Variants in SBNO1 observed in about 807,000 individuals in gnomAD.
The protein encoded by SBNO1 is protein strawberry notch homolog 1.
A neutral mutation model predicts 173.6 loss-of-function variants in SBNO1; 23 were observed. The observed-to-expected ratio is 0.13, with a 90% confidence interval of 0.10 to 0.19. SBNO1 has a LOEUF of 0.19. Among genes scored for constraint, SBNO1 ranks in the 10% least tolerant of loss-of-function variants. SBNO1 has a pLI of 1.00. For missense variants in SBNO1, 1,238 were observed against 1,671.2 expected, an observed-to-expected ratio of 0.74 and a Z score of 4.52; for synonymous variants, 632 against 571.5, an observed-to-expected ratio of 1.11 and a Z score of -1.51.
intron 1 of SBNO1, chr12:123,364,332 T>C: frequency 1.0e-6 from 1 of 984,482 alleles, no homozygotes; most frequent in Non-Finnish European, 1.2e-6. Context: ...CCCCGGGTTG[T>C]GAGGCGGAAG....
At chr12:123,316,096 C>T (rs1057432287) in intron 21 of SBNO1, among the ~76,000 whole-genome samples, 7 of 152,126 alleles carry the variant, frequency 4.6e-5, no homozygotes, top group African/African-American at 1.7e-4. Flanking sequence ...ATTCCCACCA[C>T]ATATATATTT....
chr12:123,363,093 T>A (rs991372022), intron 1 of SBNO1, among the ~76,000 whole-genome samples: 1 of 151,864 alleles, frequency 6.6e-6, no homozygotes, highest in Non-Finnish European at 1.5e-5. Context: ...CTCAAAAATT[T>A]AAAAATAGCA....
At chr12:123,349,391 T>G (rs1464411449) in intron 2 of SBNO1, among the ~76,000 whole-genome samples, 1 of 151,986 alleles carries the variant, frequency 6.6e-6, no homozygotes, top group African/African-American at 2.4e-5. Context: ...CATGAGACAC[T>G]ATGCCCAGCC....
intron 4 of SBNO1, among the ~76,000 whole-genome samples, chr12:123,343,451 TATTTTCA>T (rs1872773149): frequency 6.6e-6 from 1 of 151,864 alleles, no homozygotes; most frequent in Non-Finnish European, 1.5e-5. Context: ...TGCAGTTTCA[TATTTTCA>T]ATGTTTTTCC....
chr12:123,350,546 TC>T, intron 1 of SBNO1, 105 bp from the exon 2 acceptor site: 7 of 912,900 alleles, frequency 7.7e-6, no homozygotes, highest in Non-Finnish European at 1.2e-5. Flanking sequence ...ACCCATTCAT[TC>T]AGTATTAATG....
chr12:123,344,121 A>T (rs754829618), intron 4 of SBNO1, among the ~76,000 whole-genome samples: 2 of 152,182 alleles, frequency 1.3e-5, no homozygotes, highest in Admixed American at 6.6e-5. Context: ...AGCCACTCAT[A>T]TAAGAAGCAG....
chr12:123,337,059 T>C (rs1344117404), intron 5 of SBNO1, among the ~76,000 whole-genome samples: 1 of 152,208 alleles, frequency 6.6e-6, no homozygotes, highest in East Asian at 1.9e-4. Flanking sequence ...GAGGCCCTTA[T>C]GAAGAACAGA....
intron 30 of SBNO1, among the ~76,000 whole-genome samples, chr12:123,299,910 G>A (rs140457679): frequency 1.6e-3 from 239 of 152,118 alleles, no homozygotes; most frequent in African/African-American, 5.3e-3. Context: ...GAAGGAGGGG[G>A]GAAGATCCTG....
At position 123,294,051 on chromosome 12, in the gene SBNO1, G is replaced by A. The variant is rs969699673; in HGVS notation, c.*1857C>T. On this transcript the variant is annotated 3_prime_UTR_variant, in exon 32 of 32. Transcript: ENST00000602398. ...CAGCCGGGTCTAGCGGCCCTAACAAGGGAAACTGGCTGATACAAAATGGAT... is the reference window on the plus strand; with the variant it reads ...CAGCCGGGTCTAGCGGCCCTAACAAAGGAAACTGGCTGATACAAAATGGAT... The A allele has an allele frequency of 7.9e-5, 12 of 152,410 alleles. No individual in the cohort carries two copies. Among genetic ancestry groups the A allele is most frequent in the Admixed American group, 2.6e-4 (4 of 15,306 alleles). The allele number at this position is 152,410 out of a possible 1,614,324, so 9.4% of individuals were successfully genotyped here.
At chr12:123,356,099 C>A (rs1409914220) in intron 1 of SBNO1, among the ~76,000 whole-genome samples, 1 of 152,158 alleles carries the variant, frequency 6.6e-6, no homozygotes, top group Non-Finnish European at 1.5e-5. Context: ...ACCACAGTGG[C>A]TGAGGAGATC....
rs752931905 is a variant in SBNO1, at chr12:123,320,515, G to A, written c.2584C>T (p.Leu862=). ...GGGAGGTCTTCAGCTAATTTTTCTA[G>A]CTTATCAAGCAGGTCTTTCTTCATC... is the stretch of plus-strand genomic sequence containing the variant. ...QQMKKDLLDK[L]EKLAEDLPPN... Residue 862 remains leucine, a synonymous_variant, in exon 19 of 32, where the codon CTA becomes TTA. Coordinates refer to ENST00000602398, the MANE Select transcript of SBNO1 (RefSeq NM_001167856.3). 1.2e-6 allele frequency: 2 copies of A among 1,614,016 alleles called. No homozygotes were observed. Among genetic ancestry groups the A allele is most frequent in the East Asian group, 2.2e-5 (1 of 44,862 alleles).
chr12:123,341,296 G>GA (rs1872536929), intron 4 of SBNO1, among the ~76,000 whole-genome samples: 1 of 151,774 alleles, frequency 6.6e-6, no homozygotes, highest in Non-Finnish European at 1.5e-5. Context: ...TAAAAATACA[G>GA]AAACAAGCTG....
rs150327678 is a variant in SBNO1, at chr12:123,317,503, G to A, written c.2800-147C>T. 185 of 716,680 alleles carry A rather than the reference G, an allele frequency of 2.6e-4. 1 individual carries two copies. The East Asian group carries it at 4.2e-3, about 16-fold the overall frequency. The allele number at this position is 716,680 out of a possible 1,614,324, so 44.4% of individuals were successfully genotyped here. ...AGTTTTATTTCCCAGTCTCCCTTAC[G>A]GCTAAGTGTGAACATTCTCCAGCCA... is the stretch of plus-strand genomic sequence containing the variant. On this transcript the variant is annotated intron_variant, in intron 20 of 31. Coordinates refer to ENST00000602398, the MANE Select transcript of SBNO1 (RefSeq NM_001167856.3).
At chr12:123,340,445 G>A (rs1378685996) in intron 5 of SBNO1, among the ~76,000 whole-genome samples, 1 of 151,798 alleles carries the variant, frequency 6.6e-6, no homozygotes, top group Non-Finnish European at 1.5e-5. Context: ...GCCAAGCATG[G>A]TGGCACATGC....
intron 1 of SBNO1, among the ~76,000 whole-genome samples, chr12:123,352,238 G>C (rs1873958932): frequency 6.6e-6 from 1 of 152,146 alleles, no homozygotes. Flanking sequence ...TTTTCAGCTA[G>C]TCCATTTGTT....
chr12:123,347,962 CG>C, intron 3 of SBNO1, 66 bp downstream of exon 3: 1 of 962,910 alleles, frequency 1.0e-6, no homozygotes, highest in Non-Finnish European at 1.6e-6. Flanking sequence ...TCACCACACC[CG>C]GCCATGTTTT....
intron 20 of SBNO1, 131 bp from the exon 21 acceptor site, chr12:123,317,487 T>C: frequency 1.3e-6 from 1 of 782,590 alleles, no homozygotes; most frequent in Non-Finnish European, 2.0e-6. Context: ...CAGTTTTATT[T>C]CCCAGTCTCC....
At position 123,309,771 on chromosome 12, in the gene SBNO1, G is replaced by T; in HGVS notation, c.3381C>A (p.Asp1127Glu). 6.2e-7 allele frequency: 1 copy of T among 1,612,994 alleles called. No individual in the cohort carries two copies. The highest frequency in any genetic ancestry group is 8.5e-7 in the Non-Finnish European group (1 of 1,179,582). ...QQNALFQYFA[D>E]TLTAVVQNAK... ...CATTTTGAACAACTGCAGTAAGTGT[G>T]TCCGCAAAATACTGAAATAACGCAT... The change falls in exon 26 of 32, where the codon GAC becomes GAA. Residue 1127 changes from aspartate (D) to glutamate (E), a missense_variant. Physicochemically the swap from Asp to Glu is conservative, Grantham distance 45. Around this residue, in one of 14 missense-constraint regions of SBNO1, gnomAD observed 351 missense variants for 420.3 expected, o/e 0.84. Transcript: ENST00000602398.
chr12:123,313,735 A>C lies in SBNO1; in HGVS notation c.3121-16T>G. The C allele has an allele frequency of 4.1e-6, 6 of 1,472,254 alleles. No homozygotes were observed. The highest frequency in any genetic ancestry group is 5.7e-6 in the Non-Finnish European group (6 of 1,055,130). The allele number at this position is 1,472,254 out of a possible 1,614,324, so 91.2% of individuals were successfully genotyped here. On this transcript the variant is annotated splice_polypyrimidine_tract_variant and intron_variant, in intron 23 of 31. Transcript: ENST00000602398. Reference sequence around the variant, plus strand: ...TTCTTCCATACTGCAAAAAAAAATCAAAACCTTTAACCAGTTTCAGCATTT... The same window carrying C: ...TTCTTCCATACTGCAAAAAAAAATCCAAACCTTTAACCAGTTTCAGCATTT...
Sources: allele counts gnomAD v4.1 joint callset (sites outside exome capture counted in the v4.1 genomes callset), GRCh38; gene constraint gnomAD v4.1.1; regional missense constraint gnomAD v4.1.1; transcripts MANE v1.5; gene names NCBI Gene and HGNC (gene_info 2026-07-23, HGNC 2026-07-21).